The following RALGAPA2 variants were observed in gnomAD, a reference collection of about 807,000 sequenced individuals.
The protein encoded by RALGAPA2 is Ral GTPase activating protein catalytic subunit alpha 2, also known as ral GTPase-activating protein subunit alpha-2.
A neutral mutation model predicts 230.4 loss-of-function variants in RALGAPA2; 139 were observed. The observed-to-expected ratio is 0.60, with a 90% CI of 0.53 to 0.69. RALGAPA2 has a LOEUF of 0.69. Among genes scored for constraint, RALGAPA2 ranks in the 30% least tolerant of loss-of-function variants. The pLI is 0.00. For missense variants in RALGAPA2, 2,163 were observed against 2,276.0 expected (o/e 0.95, Z 1.01); for synonymous variants, 847 against 837.8 (o/e 1.01, Z -0.19).
At chr20:20,419,060 G>A (rs2060223797) in intron 37 of RALGAPA2, among the ~76,000 whole-genome samples, 1 of 152,128 alleles carries the variant, frequency 6.6e-6, no homozygotes, top group Non-Finnish European at 1.5e-5. Context: ...TTAAAAACAG[G>A]TTAAGTGAAA....
At chr20:20,542,565 T>C (rs1245226836) in intron 24 of RALGAPA2, among the ~76,000 whole-genome samples, 8 of 152,030 alleles carry the variant, frequency 5.3e-5, no homozygotes, top group African/African-American at 9.7e-5. Context: ...AACAGACACA[T>C]AGACCAATGG....
chr20:20,663,716 T>C (rs2067862520), intron 3 of RALGAPA2, among the ~76,000 whole-genome samples: 1 of 152,100 alleles, frequency 6.6e-6, no homozygotes, highest in African/African-American at 2.4e-5. Flanking sequence ...CTCAGCCTCC[T>C]GAGTAGCTGG....
At chr20:20,615,202 GT>G (rs939851042) in intron 13 of RALGAPA2, among the ~76,000 whole-genome samples, 42 of 146,544 alleles carry the variant, frequency 2.9e-4, no homozygotes, top group African/African-American at 1.0e-3. Flanking sequence ...GTCTCACTCT[GT>G]CGCCCAGGCT....
chr20:20,442,244 T>C (rs1242686153), intron 37 of RALGAPA2, among the ~76,000 whole-genome samples: 1 of 152,218 alleles, frequency 6.6e-6, no homozygotes, highest in Middle Eastern at 3.2e-3. Context: ...AAAGTACACA[T>C]AAAATATTTA....
intron 36 of RALGAPA2, among the ~76,000 whole-genome samples, chr20:20,474,734 G>A (rs764521660): frequency 2.0e-5 from 3 of 152,188 alleles, no homozygotes; most frequent in Non-Finnish European, 4.4e-5. Flanking sequence ...AGACTGAGAG[G>A]GAGGGTCAAT....
intron 23 of RALGAPA2, among the ~76,000 whole-genome samples, chr20:20,553,691 A>G (rs780138539): frequency 1.3e-5 from 2 of 152,182 alleles, no homozygotes; most frequent in African/African-American, 2.4e-5. Context: ...AGGCCACAGG[A>G]GCTGTTCTGA....
At chr20:20,601,871 C>G (rs760487218) in intron 15 of RALGAPA2, 25 bp from the exon 16 acceptor site, 1 of 1,561,350 alleles carries the variant, frequency 6.4e-7, no homozygotes, top group African/African-American at 1.4e-5. Context: ...GAAAAATAAT[C>G]TAAAGGCTGA....
intron 35 of RALGAPA2, among the ~76,000 whole-genome samples, chr20:20,502,844 G>A (rs1019595829): frequency 1.3e-5 from 2 of 152,302 alleles, no homozygotes; most frequent in East Asian, 1.9e-4. Flanking sequence ...TTAACACAGG[G>A]TTGCCTGAGG....
intron 38 of RALGAPA2, among the ~76,000 whole-genome samples, chr20:20,401,000 A>G (rs2059822426): frequency 6.6e-6 from 1 of 152,290 alleles, no homozygotes; most frequent in Admixed American, 6.5e-5. Context: ...CAAAAAGTGG[A>G]TTTGTGGTTA....
intron 37 of RALGAPA2, among the ~76,000 whole-genome samples, chr20:20,415,108 A>C (rs2060140822): frequency 6.6e-6 from 1 of 152,212 alleles, no homozygotes; most frequent in Admixed American, 6.5e-5. Context: ...TAACTGAATT[A>C]ATTGCAAGGG....
Position 20,503,473 on chromosome 20 carries a change from C to T in RALGAPA2, c.5086G>A (p.Gly1696Ser), listed in dbSNP as rs751070845. The T allele has an allele frequency of 1.8e-5, 28 of 1,598,582 alleles. No individual in the cohort carries two copies. Among genetic ancestry groups the T allele is most frequent in the Non-Finnish European group, 2.4e-5 (28 of 1,172,980 alleles). Residue 1696 changes from glycine to serine, a missense_variant, in exon 35 of 40, where the codon GGC becomes AGC. Physicochemically the swap from Gly to Ser is moderately conservative, Grantham distance 56. Transcript: ENST00000202677. ...CCGGTGCTGCCATTGCGCTGAAGGC[C>T]ACCCATGAACCCACAGTGGGTGGAG... ...DLSTHCGFMG[G>S]LQRNGSTGQT...
chr20:20,444,684 TC>T (rs2060819489), intron 37 of RALGAPA2, among the ~76,000 whole-genome samples: 1 of 152,200 alleles, frequency 6.6e-6, no homozygotes. Context: ...CAATTTACAT[TC>T]CCACCAGCAG....
At chr20:20,529,870 G>A (rs1281159275) in intron 27 of RALGAPA2, among the ~76,000 whole-genome samples, 1 of 152,126 alleles carries the variant, frequency 6.6e-6, no homozygotes, top group African/African-American at 2.4e-5. Context: ...CTAACACACC[G>A]AGTTATTCAT....
chr20:20,701,601 A>G (rs918729256), intron 1 of RALGAPA2, among the ~76,000 whole-genome samples: 2 of 152,110 alleles, frequency 1.3e-5, no homozygotes, highest in Admixed American at 1.3e-4. Context: ...TAGCCGGCAC[A>G]TGCCTGTAAT....
chr20:20,691,611 T>G (rs2068911099), intron 1 of RALGAPA2, among the ~76,000 whole-genome samples: 1 of 152,150 alleles, frequency 6.6e-6, no homozygotes, highest in African/African-American at 2.4e-5. Flanking sequence ...CCCGACACAG[T>G]GCTAAGGAGT....
chr20:20,468,731 G>A (rs973369499), intron 37 of RALGAPA2, among the ~76,000 whole-genome samples: 6 of 151,658 alleles, frequency 4.0e-5, no homozygotes, highest in Non-Finnish European at 8.8e-5. Flanking sequence ...AGTTCTGTCT[G>A]CGATTCTGTT....
chr20:20,419,636 G>T (rs186509086), intron 37 of RALGAPA2, among the ~76,000 whole-genome samples: 1 of 152,286 alleles, frequency 6.6e-6, no homozygotes, highest in African/African-American at 2.4e-5. Context: ...AAATAAAAAT[G>T]TATTTCTACA....
At chr20:20,501,602 G>C (rs2062378227) in intron 35 of RALGAPA2, among the ~76,000 whole-genome samples, 2 of 152,178 alleles carry the variant, frequency 1.3e-5, no homozygotes, top group Admixed American at 6.5e-5. Flanking sequence ...CAGCAATAAG[G>C]CTATTTCGTT....
chr20:20,419,416 T>C (rs947320933), intron 37 of RALGAPA2, among the ~76,000 whole-genome samples: 3 of 152,168 alleles, frequency 2.0e-5, no homozygotes, highest in Non-Finnish European at 2.9e-5. Flanking sequence ...GAGTTGACGA[T>C]GATCACAAAG....
Sources: allele counts gnomAD v4.1 joint callset (sites outside exome capture counted in the v4.1 genomes callset), GRCh38; gene constraint gnomAD v4.1.1; transcripts MANE v1.5; gene names NCBI Gene and HGNC (gene_info 2026-07-23, HGNC 2026-07-21).